Variants in LSAMP observed in about 807,000 individuals in gnomAD.
LSAMP encodes limbic system associated membrane protein.
A neutral mutation model predicts 38.6 loss-of-function variants in LSAMP; 7 were observed. That is an observed-to-expected ratio of 0.18 (90% CI 0.10 to 0.34). The LOEUF is 0.34. Ranked by LOEUF, LSAMP falls within the 10% of genes least tolerant of loss-of-function variation. LSAMP has a pLI of 1.00. For missense variants in LSAMP, 313 were observed against 420.0 expected (o/e 0.75, Z 2.23); for synonymous variants, 154 against 166.8 (o/e 0.92, Z 0.59).
chr3:116,086,250 CAAATATTTTGTACA>C (rs1319089647), intron 2 of LSAMP, 60 bp downstream of exon 2: 7 of 1,155,598 alleles, frequency 6.1e-6, no homozygotes, highest in Non-Finnish European at 8.9e-6. Context: ...AAGGATTCTG[CAAATATTTTGTACA>C]TTATTATTCT....
chr3:115,908,295 AT>A lies in LSAMP; in HGVS notation c.515-55679del, dbSNP rs149063600. ...CTACCCCTCAATATCCAATCAAATGATTTTAGTTTACCCTAAACTTTACAAA... is the reference window on the plus strand; with the variant it reads ...CTACCCCTCAATATCCAATCAAATGATTTAGTTTACCCTAAACTTTACAAA... On this transcript the variant is annotated intron_variant, in intron 3 of 6. Coordinates refer to ENST00000490035, the MANE Select transcript of LSAMP (RefSeq NM_002338.5). 8.8e-3 allele frequency among the ~76,000 whole-genome samples: 1,345 copies of A among 152,210 alleles called. 18 individuals are homozygous for A. The highest frequency in any genetic ancestry group is 0.03 in the African/African-American group (1,229 of 41,520).
At chr3:116,172,767 C>A (rs1710233468) in intron 1 of LSAMP, among the ~76,000 whole-genome samples, 1 of 151,962 alleles carries the variant, frequency 6.6e-6, no homozygotes, top group African/African-American at 2.4e-5. Flanking sequence ...CTTTCAGAAT[C>A]ATTAGTGTAA....
chr3:116,224,423 T>G (rs1219024029), intron 1 of LSAMP, among the ~76,000 whole-genome samples: 1 of 152,218 alleles, frequency 6.6e-6, no homozygotes, highest in Non-Finnish European at 1.5e-5. Flanking sequence ...TTGCTGCCTT[T>G]CCTTTTAGAA....
intron 3 of LSAMP, among the ~76,000 whole-genome samples, chr3:115,951,126 A>C (rs1405205265): frequency 6.6e-6 from 1 of 152,208 alleles, no homozygotes; most frequent in African/African-American, 2.4e-5. Flanking sequence ...AATCAACTCA[A>C]GATGATCAAA....
chr3:116,266,997 T>A (rs1483332245), intron 1 of LSAMP, among the ~76,000 whole-genome samples: 1 of 152,172 alleles, frequency 6.6e-6, no homozygotes, highest in Non-Finnish European at 1.5e-5. Context: ...TCATTGACTC[T>A]TTATGACATC....
chr3:116,021,988 T>C (rs1940652497), intron 2 of LSAMP, among the ~76,000 whole-genome samples: 1 of 152,122 alleles, frequency 6.6e-6, no homozygotes, highest in Non-Finnish European at 1.5e-5. Context: ...CATCTCCTAA[T>C]TAAGGACAAT....
chr3:116,016,003 C>A (rs1940470340), intron 3 of LSAMP, among the ~76,000 whole-genome samples: 1 of 130,334 alleles, frequency 7.7e-6, no homozygotes, highest in African/African-American at 3.4e-5. Flanking sequence ...AATAATTGAA[C>A]AAAGCTAACC....
At chr3:115,896,995 T>C (rs555517652) in intron 3 of LSAMP, among the ~76,000 whole-genome samples, 1 of 152,130 alleles carries the variant, frequency 6.6e-6, no homozygotes, top group African/African-American at 2.4e-5. Context: ...TCCTTTCTTC[T>C]GTCAGTGATG....
intron 1 of LSAMP, among the ~76,000 whole-genome samples, chr3:116,362,607 G>C (rs1201448248): frequency 2.9e-5 from 1 of 34,392 alleles, no homozygotes; most frequent in Non-Finnish European, 4.5e-5. Context: ...CACATAGTTG[G>C]AAGTAAAGCT....
At chr3:116,374,069 T>C (rs1576172643) in intron 1 of LSAMP, among the ~76,000 whole-genome samples, 2 of 152,064 alleles carry the variant, frequency 1.3e-5, no homozygotes, top group Admixed American at 1.3e-4. Flanking sequence ...CCATCACTAA[T>C]ATCTTATATA....
intron 1 of LSAMP, among the ~76,000 whole-genome samples, chr3:116,254,895 A>G (rs1311044802): frequency 6.6e-6 from 1 of 152,206 alleles, no homozygotes; most frequent in South Asian, 2.1e-4. Flanking sequence ...ATTATTCTAT[A>G]TCCTCGGAAT....
At chr3:115,822,590 C>A (rs909821047) in intron 6 of LSAMP, among the ~76,000 whole-genome samples, 1 of 152,100 alleles carries the variant, frequency 6.6e-6, no homozygotes, top group Non-Finnish European at 1.5e-5. Flanking sequence ...AAACTCCCAA[C>A]CTCAGGTGAT....
chr3:116,426,461 CAAAAAAAAAAA>C (rs34278703), intron 1 of LSAMP, among the ~76,000 whole-genome samples: 1 of 85,536 alleles, frequency 1.2e-5, no homozygotes, highest in African/African-American at 4.4e-5. Flanking sequence ...AACTCCGTCT[CAAAAAAAAAAA>C]AAAAAAAAAA....
chr3:116,177,750 C>A (rs1710384485), intron 1 of LSAMP, among the ~76,000 whole-genome samples: 1 of 152,148 alleles, frequency 6.6e-6, no homozygotes. Context: ...AGATTGCCGT[C>A]AAACTCAGGA....
chr3:116,042,169 TATC>T (rs1288722011), intron 2 of LSAMP, among the ~76,000 whole-genome samples: 1 of 152,220 alleles, frequency 6.6e-6, no homozygotes, highest in Non-Finnish European at 1.5e-5. Context: ...GATTACCTAT[TATC>T]ATGTTCCCAC....
intron 1 of LSAMP, among the ~76,000 whole-genome samples, chr3:116,363,860 T>G (rs769345238): frequency 7.8e-6 from 1 of 128,878 alleles, no homozygotes; most frequent in African/African-American, 3.1e-5. Context: ...TGGGACGTAT[T>G]TCAAAATAAT....
chr3:116,303,477 T>C (rs1385338622), intron 1 of LSAMP, among the ~76,000 whole-genome samples: 1 of 152,198 alleles, frequency 6.6e-6, no homozygotes, highest in African/African-American at 2.4e-5. Flanking sequence ...CTATTCTTTT[T>C]TTGGATTGAA....
chr3:116,072,133 G>A lies in LSAMP; in HGVS notation c.388+14191C>T, dbSNP rs951019169. Reference sequence around the variant, plus strand: ...TGGGACTACAGGCACCTGCCACCACGCCCAGCTAATTTTTTGTATTTTCAG... The same window carrying A: ...TGGGACTACAGGCACCTGCCACCACACCCAGCTAATTTTTTGTATTTTCAG... On this transcript the variant is annotated intron_variant, in intron 2 of 6. Transcript: ENST00000490035. Among the ~76,000 whole-genome samples the A allele has an allele frequency of 1.6e-4, 25 of 151,900 alleles. No individual in the cohort carries two copies. The East Asian group carries it at 4.1e-3, about 25-fold the overall frequency.
intron 2 of LSAMP, among the ~76,000 whole-genome samples, chr3:116,084,038 A>G (rs1325381583): frequency 2.0e-5 from 3 of 152,194 alleles, no homozygotes; most frequent in African/African-American, 7.2e-5. Context: ...ATACAATAGT[A>G]TCCTGAATCA....
Sources: gnomAD v4.1 joint callset for allele counts (sites outside exome capture counted in the v4.1 genomes callset) on GRCh38, gnomAD v4.1.1 for gene constraint, MANE v1.5 for transcripts, NCBI Gene and HGNC (gene_info 2026-07-23, HGNC 2026-07-21) for gene names.